The following SKAP2 variants were observed in gnomAD, a reference collection of about 807,000 sequenced individuals.
SKAP2 encodes src kinase-associated phosphoprotein 2.
A neutral mutation model predicts 54.9 loss-of-function variants in SKAP2; 28 were observed. The ratio of observed to expected loss-of-function variants is 0.51; its 90% CI spans 0.38 to 0.70. The LOEUF (loss-of-function observed/expected upper bound fraction) is 0.70. Ranked by LOEUF, SKAP2 falls within the 30% of genes least tolerant of loss-of-function variation. The pLI is 0.00. For synonymous variants in SKAP2, 137 were observed against 134.3 expected (o/e 1.02, Z -0.14); for missense variants, 356 against 424.1 (o/e 0.84, Z 1.41).
chr7:26,818,814 T>C (rs1784325379), intron 4 of SKAP2, among the ~76,000 whole-genome samples: 1 of 152,010 alleles, frequency 6.6e-6, no homozygotes, highest in South Asian at 2.1e-4. Flanking sequence ...AACAAACATA[T>C]GAAGGAAAGC....
chr7:26,695,261 G>A (rs998864196), intron 9 of SKAP2, among the ~76,000 whole-genome samples: 17 of 151,908 alleles, frequency 1.1e-4, no homozygotes, highest in African/African-American at 4.1e-4. Context: ...AATAAAGTTT[G>A]GATTTAGATC....
At chr7:26,696,322 A>G (rs1368690631) in intron 9 of SKAP2, among the ~76,000 whole-genome samples, 1 of 152,228 alleles carries the variant, frequency 6.6e-6, no homozygotes, top group African/African-American at 2.4e-5. Context: ...TAGCATAGTT[A>G]GAGTCATGTT....
At chr7:26,733,113 A>G (rs1787855750) in intron 6 of SKAP2, among the ~76,000 whole-genome samples, 1 of 151,968 alleles carries the variant, frequency 6.6e-6, no homozygotes. Flanking sequence ...CCTGGGCAAC[A>G]GAGCGAGACC....
chr7:26,828,686 A>G (rs1784543341), intron 4 of SKAP2, among the ~76,000 whole-genome samples: 1 of 149,518 alleles, frequency 6.7e-6, no homozygotes, highest in African/African-American at 2.5e-5. Flanking sequence ...CAAAAAAAAA[A>G]AAAAATAGAA....
At chr7:26,731,644 T>C (rs1034728464) in intron 6 of SKAP2, among the ~76,000 whole-genome samples, 1 of 152,188 alleles carries the variant, frequency 6.6e-6, no homozygotes, top group African/African-American at 2.4e-5. Context: ...GCTCATTGAA[T>C]AGAAAGTGCC....
chr7:26,795,974 T>G (rs1783769346), intron 4 of SKAP2, among the ~76,000 whole-genome samples: 1 of 152,088 alleles, frequency 6.6e-6, no homozygotes, highest in South Asian at 2.1e-4. Flanking sequence ...TAGAGATCTG[T>G]GACAATTTGA....
At chr7:26,791,449 T>C (rs567734909) in intron 4 of SKAP2, among the ~76,000 whole-genome samples, 1 of 152,224 alleles carries the variant, frequency 6.6e-6, no homozygotes, top group Non-Finnish European at 1.5e-5. Context: ...GTTCAGGGAT[T>C]ATAGGTGTGA....
At chr7:26,683,390 C>T (rs943353464) in intron 11 of SKAP2, among the ~76,000 whole-genome samples, 1 of 152,174 alleles carries the variant, frequency 6.6e-6, no homozygotes, top group Admixed American at 6.5e-5. Flanking sequence ...AAAACCCATG[C>T]TAATGAGCAG....
At chr7:26,683,820 C>G (rs533423901) in intron 11 of SKAP2, among the ~76,000 whole-genome samples, 1 of 152,230 alleles carries the variant, frequency 6.6e-6, no homozygotes, top group South Asian at 2.1e-4. Flanking sequence ...TCTAACAAGT[C>G]ATACTATCTC....
chr7:26,752,734 A>G (rs962636453), intron 4 of SKAP2, among the ~76,000 whole-genome samples: 18 of 152,336 alleles, frequency 1.2e-4, no homozygotes, highest in African/African-American at 4.1e-4. Flanking sequence ...TTATTTATCA[A>G]TTTACAAAGT....
chr7:26,748,764 A>G (rs1782613387), intron 4 of SKAP2, among the ~76,000 whole-genome samples: 1 of 152,154 alleles, frequency 6.6e-6, no homozygotes. Context: ...AAAATTAAAT[A>G]TATACAATTA....
rs375431686 is a variant in SKAP2, at chr7:26,684,789, A to C, written c.934T>G (p.Phe312Val). ...YQGLWDCTGAFSDELSFKRGD... is the reference protein window; with the variant it reads ...YQGLWDCTGAVSDELSFKRGD... ...CGCTTAAATGACAACTCATCAGAAA[A>C]AGCTCCAGTACAATCCCACAATCCC... Residue 312 changes from phenylalanine (F) to valine (V), a missense_variant, in exon 11 of 13, where the codon TTT becomes GTT. By Grantham distance (50) the Phe-to-Val change is conservative (BLOSUM62 -1). Coordinates refer to ENST00000345317, the MANE Select transcript of SKAP2 (RefSeq NM_003930.5). The C allele has an allele frequency of 5.0e-6, 8 of 1,613,094 alleles. No individual in the cohort carries two copies. The highest frequency in any genetic ancestry group is 6.8e-6 in the Non-Finnish European group (8 of 1,179,410).
intron 9 of SKAP2, among the ~76,000 whole-genome samples, chr7:26,696,048 G>A (rs999510251): frequency 2.6e-5 from 4 of 152,106 alleles, no homozygotes; most frequent in East Asian, 1.9e-4. Flanking sequence ...AGTTAGAGTC[G>A]AATCTAAGGG....
At chr7:26,782,070 TTAAG>T (rs528012334) in intron 4 of SKAP2, among the ~76,000 whole-genome samples, 174 of 152,334 alleles carry the variant, frequency 1.1e-3, no homozygotes, top group Non-Finnish European at 1.9e-3. Flanking sequence ...CCACTAGACT[TTAAG>T]TTTCACAGGG....
At chr7:26,689,130 C>A (rs1272362911) in intron 10 of SKAP2, among the ~76,000 whole-genome samples, 1 of 152,130 alleles carries the variant, frequency 6.6e-6, no homozygotes, top group Non-Finnish European at 1.5e-5. Context: ...TTCCACATGT[C>A]ACAGTAGGAA....
At chr7:26,757,066 ATATTAG>A (rs1782811167) in intron 4 of SKAP2, among the ~76,000 whole-genome samples, 2 of 152,098 alleles carry the variant, frequency 1.3e-5, no homozygotes, top group Non-Finnish European at 2.9e-5. Context: ...TAAATTCTGG[ATATTAG>A]CCCTTTGTCG....
At chr7:26,805,619 G>C (rs1784010335) in intron 4 of SKAP2, among the ~76,000 whole-genome samples, 1 of 152,292 alleles carries the variant, frequency 6.6e-6, no homozygotes, top group African/African-American at 2.4e-5. Flanking sequence ...AAGGCCTCCT[G>C]ACAACAGTCA....
At chr7:26,798,048 T>C (rs148994122) in intron 4 of SKAP2, among the ~76,000 whole-genome samples, 2,317 of 151,724 alleles carry the variant, frequency 0.015, 58 homozygotes, top group African/African-American at 0.053. Context: ...ACAGAGAACT[T>C]CCAACTCCTA....
At chr7:26,802,985 C>T (rs1783948240) in intron 4 of SKAP2, among the ~76,000 whole-genome samples, 1 of 152,140 alleles carries the variant, frequency 6.6e-6, no homozygotes, top group Non-Finnish European at 1.5e-5. Flanking sequence ...GGATTAAAGA[C>T]TTAAATCTAA....
Sources: gnomAD v4.1 joint callset for allele counts (sites outside exome capture counted in the v4.1 genomes callset) on GRCh38, gnomAD v4.1.1 for gene constraint, MANE v1.5 for transcripts, NCBI Gene and HGNC (gene_info 2026-07-23, HGNC 2026-07-21) for gene names.